Variants in TBC1D5 observed in about 807,000 individuals in gnomAD.
TBC1D5 encodes TBC1 domain family member 5.
Under a neutral mutation model 100.3 loss-of-function variants are expected in TBC1D5, and 75 were observed. The observed-to-expected ratio is 0.75, with a 90% CI of 0.62 to 0.91. The LOEUF (loss-of-function observed/expected upper bound fraction) is 0.91. TBC1D5 is among the 40% of genes least tolerant of loss of function. TBC1D5 has a pLI of 0.00. For synonymous variants in TBC1D5, 323 were observed against 325.6 expected (o/e 0.99, Z 0.09); for missense variants, 910 against 942.4 (o/e 0.97, Z 0.45).
chr3:17,531,426 T>C (rs1293853810), intron 2 of TBC1D5, among the ~76,000 whole-genome samples: 2 of 152,130 alleles, frequency 1.3e-5, no homozygotes, highest in Non-Finnish European at 2.9e-5. Context: ...AATTTACAGA[T>C]TCAATGCCAT....
At chr3:17,706,018 C>T (rs1383305639) in intron 1 of TBC1D5, 79 of 1,536,772 alleles carry the variant, frequency 5.1e-5, no homozygotes, top group Non-Finnish European at 6.5e-5. Flanking sequence ...TGCTGTCACC[C>T]AGCCTGGACT....
chr3:17,528,920 A>G (rs1400342372), intron 2 of TBC1D5, among the ~76,000 whole-genome samples: 1 of 152,174 alleles, frequency 6.6e-6, no homozygotes, highest in Non-Finnish European at 1.5e-5. Flanking sequence ...GAACTCTAAG[A>G]CTTACTAGAC....
chr3:17,435,774 T>C (rs533679096), intron 3 of TBC1D5, among the ~76,000 whole-genome samples: 101 of 152,284 alleles, frequency 6.6e-4, no homozygotes, highest in Non-Finnish European at 1.1e-3. Flanking sequence ...CTGGTGAGGA[T>C]TTCTTTGGGA....
chr3:17,527,368 G>A (rs1290429739), intron 2 of TBC1D5, among the ~76,000 whole-genome samples: 5 of 152,152 alleles, frequency 3.3e-5, no homozygotes, highest in Admixed American at 3.3e-4. Flanking sequence ...TAGCTTGGAG[G>A]TCTGGAGATA....
At chr3:17,602,561 A>ATTTTTTTTTT (rs33956978) in intron 2 of TBC1D5, among the ~76,000 whole-genome samples, 4 of 74,516 alleles carry the variant, frequency 5.4e-5, no homozygotes, top group South Asian at 4.7e-4. Context: ...AGAGAATCAG[A>ATTTTTTTTTT]TTTTTTTTTT....
At chr3:17,194,210 C>T (rs189774960) in intron 18 of TBC1D5, among the ~76,000 whole-genome samples, 210 of 152,302 alleles carry the variant, frequency 1.4e-3, no homozygotes, top group Middle Eastern at 0.01. Context: ...AATATCTCTT[C>T]CCGTCATTCT....
intron 18 of TBC1D5, among the ~76,000 whole-genome samples, chr3:17,192,226 GA>G (rs1437923297): frequency 6.6e-6 from 1 of 151,360 alleles, no homozygotes; most frequent in Non-Finnish European, 1.5e-5. Flanking sequence ...TAATAGAGAA[GA>G]AAAAAGTGAA....
At chr3:17,666,823 G>A (rs1400270529) in intron 1 of TBC1D5, among the ~76,000 whole-genome samples, 1 of 151,898 alleles carries the variant, frequency 6.6e-6, no homozygotes, top group Non-Finnish European at 1.5e-5. Flanking sequence ...TCATTATAAG[G>A]TAGGATATTA....
intron 3 of TBC1D5, 64 bp from the exon 4 acceptor site, chr3:17,428,583 G>C: frequency 1.2e-6 from 1 of 857,772 alleles, no homozygotes; most frequent in Non-Finnish European, 1.7e-6. Flanking sequence ...TTGAAAAACT[G>C]TGTGAAAGCT....
intron 3 of TBC1D5, among the ~76,000 whole-genome samples, chr3:17,439,869 G>C (rs1040885696): frequency 1.3e-5 from 2 of 152,112 alleles, no homozygotes; most frequent in Non-Finnish European, 2.9e-5. Flanking sequence ...ATCATTCAAA[G>C]TAGTTATCAC....
At chr3:17,691,826 C>CAAAAAAAAA (rs1273079675) in intron 1 of TBC1D5, among the ~76,000 whole-genome samples, 1 of 58,568 alleles carries the variant, frequency 1.7e-5, no homozygotes, top group Non-Finnish European at 3.7e-5. Context: ...TCCGTCTCAA[C>CAAAAAAAAA]AAAAAAAAAA....
chr3:17,336,508 T>C (rs2087828567), intron 13 of TBC1D5, among the ~76,000 whole-genome samples: 1 of 152,100 alleles, frequency 6.6e-6, no homozygotes, highest in South Asian at 2.1e-4. Context: ...TCTGCAACTC[T>C]CTTTGGCATT....
At position 17,515,883 on chromosome 3, in the gene TBC1D5, G is replaced by GA. The variant is rs1365875308; in HGVS notation, c.-35-7279dup. Among the ~76,000 whole-genome samples the GA allele has an allele frequency of 9.2e-5, 14 of 152,148 alleles. 1 individual carries two copies. The East Asian group carries it at 2.5e-3, about 27-fold the overall frequency. On this transcript the variant is annotated intron_variant, in intron 2 of 21. Coordinates refer to ENST00000253692, the Ensembl canonical transcript of TBC1D5. ...ATTCCTCAGCAAAATTATAATTTAT[G>GA]AAAAAATCACACTTGATCTTTGGAA...
intron 3 of TBC1D5, among the ~76,000 whole-genome samples, chr3:17,459,295 C>T (rs576889821): frequency 2.6e-5 from 4 of 152,240 alleles, no homozygotes; most frequent in South Asian, 2.1e-4. Flanking sequence ...ACTGTTCCAC[C>T]TCAGATCATC....
intron 2 of TBC1D5, among the ~76,000 whole-genome samples, chr3:17,537,497 T>C (rs1414956129): frequency 6.6e-6 from 1 of 152,172 alleles, no homozygotes; most frequent in East Asian, 1.9e-4. Flanking sequence ...AGGGGGTCTG[T>C]TCTGTCAGTT....
At chr3:17,644,116 A>G (rs1204386820) in intron 1 of TBC1D5, 3 of 152,142 alleles carry the variant, frequency 2.0e-5, no homozygotes, top group African/African-American at 7.2e-5. Flanking sequence ...TGACAGGATG[A>G]GGACCTGCAA....
intron 1 of TBC1D5, among the ~76,000 whole-genome samples, chr3:17,693,876 C>T (rs549211228): frequency 2.3e-3 from 346 of 152,298 alleles, no homozygotes; most frequent in Non-Finnish European, 3.9e-3. Flanking sequence ...TGGGACGAAG[C>T]TTCCAGAGGA....
chr3:17,306,880 G>A (rs1353035203), intron 14 of TBC1D5, among the ~76,000 whole-genome samples: 1 of 151,966 alleles, frequency 6.6e-6, no homozygotes, highest in African/African-American at 2.4e-5. Context: ...CTACTTTCCT[G>A]ATGTTTCCTC....
chr3:17,467,929 G>C (rs1247970832), intron 3 of TBC1D5, among the ~76,000 whole-genome samples: 1 of 152,090 alleles, frequency 6.6e-6, no homozygotes, highest in Non-Finnish European at 1.5e-5. Flanking sequence ...ATATCTTCAT[G>C]TGTTTCCAAA....
Sources: allele counts gnomAD v4.1 joint callset (sites outside exome capture counted in the v4.1 genomes callset), GRCh38; gene constraint gnomAD v4.1.1; transcripts MANE v1.5; gene names NCBI Gene and HGNC (gene_info 2026-07-23, HGNC 2026-07-21).